The following TMEM135 variants were observed in gnomAD, a reference collection of about 807,000 sequenced individuals.
TMEM135 encodes transmembrane protein 135.
Under a neutral mutation model 60.3 loss-of-function variants are expected in TMEM135, and 30 were observed. The observed-to-expected ratio is 0.50, with a 90% CI of 0.37 to 0.68. The LOEUF is 0.68. Among genes scored for constraint, TMEM135 ranks in the 30% least tolerant of loss-of-function variants. The pLI is 0.00. For synonymous variants in TMEM135, 190 were observed against 186.7 expected, an observed-to-expected ratio of 1.02 and a Z score of -0.14; for missense variants, 468 against 548.8, an observed-to-expected ratio of 0.85 and a Z score of 1.47.
At chr11:87,285,611 A>G (rs10898658) in intron 6 of TMEM135, among the ~76,000 whole-genome samples, 51,238 of 151,974 alleles carry the variant, frequency 0.34, 9,801 homozygotes, top group Non-Finnish European at 0.43. Context: ...TCAGGAGTGA[A>G]GCTGCAGACC....
chr11:87,091,304 T>C, intron 3 of TMEM135, 58 bp from the exon 4 acceptor site: 1 of 1,431,682 alleles, frequency 7.0e-7, no homozygotes, highest in East Asian at 2.3e-5. Context: ...TAATAAATGA[T>C]AAAGTGATTA....
chr11:87,128,727 C>T (rs566035941), intron 4 of TMEM135, among the ~76,000 whole-genome samples: 34 of 152,124 alleles, frequency 2.2e-4, no homozygotes, highest in Non-Finnish European at 4.0e-4. Flanking sequence ...AACATGTACA[C>T]ATCAACCCAT....
At chr11:87,152,494 G>T (rs947066814) in intron 4 of TMEM135, among the ~76,000 whole-genome samples, 1 of 152,046 alleles carries the variant, frequency 6.6e-6, no homozygotes, top group Non-Finnish European at 1.5e-5. Context: ...CACTCTTGAC[G>T]CCCAGGCTGG....
rs528654992 is a variant in TMEM135 at position 87,297,095 on chromosome 11, CCA to C, written c.551+1273_551+1274del. ...ATTTGAGACACTGAAAAAGAGAGAACCAGAAGGTGGAAAGACAATAAAGACTA... is the reference window on the plus strand; with the variant it reads ...ATTTGAGACACTGAAAAAGAGAGAACGAAGGTGGAAAGACAATAAAGACTA... On this transcript the variant is annotated intron_variant, in intron 7 of 14. Coordinates refer to ENST00000305494, the MANE Select transcript of TMEM135 (RefSeq NM_022918.4). Among the ~76,000 whole-genome samples the C allele has an allele frequency of 2.0e-4, 31 of 151,894 alleles. 1 individual carries two copies. The South Asian group carries it at 6.5e-3, about 32-fold the overall frequency.
chr11:87,051,210 TACTG>T (rs1456458078), intron 1 of TMEM135, among the ~76,000 whole-genome samples: 1 of 47,586 alleles, frequency 2.1e-5, no homozygotes, highest in East Asian at 1.4e-3. Flanking sequence ...GCCAATATCA[TACTG>T]AATGGGCAAA....
intron 4 of TMEM135, among the ~76,000 whole-genome samples, chr11:87,114,713 G>A (rs1035960893): frequency 6.6e-6 from 1 of 152,162 alleles, no homozygotes; most frequent in African/African-American, 2.4e-5. Flanking sequence ...CATTATAACA[G>A]TTAAGCTGCT....
chr11:87,055,660 G>T (rs1219575041), intron 1 of TMEM135, among the ~76,000 whole-genome samples: 2 of 151,326 alleles, frequency 1.3e-5, no homozygotes, highest in Admixed American at 1.3e-4. Flanking sequence ...GCACGATCTC[G>T]GCTCACGCCA....
chr11:87,044,560 T>C (rs1284468770), intron 1 of TMEM135, among the ~76,000 whole-genome samples: 1 of 152,022 alleles, frequency 6.6e-6, no homozygotes, highest in Non-Finnish European at 1.5e-5. Flanking sequence ...CTTATGGGGG[T>C]GTAAATAAGG....
intron 3 of TMEM135, among the ~76,000 whole-genome samples, chr11:87,088,612 C>T (rs191688188): frequency 2.9e-4 from 44 of 152,260 alleles, no homozygotes; most frequent in Non-Finnish European, 5.1e-4. Flanking sequence ...TCTATTAGTT[C>T]GGTCTATTCA....
chr11:87,186,222 A>C (rs1335868921), intron 5 of TMEM135, among the ~76,000 whole-genome samples: 1 of 152,148 alleles, frequency 6.6e-6, no homozygotes, highest in African/African-American at 2.4e-5. Flanking sequence ...TCCTTCTTGA[A>C]GGTAAAGTTG....
chr11:87,171,878 T>C (rs1273451824), intron 5 of TMEM135, among the ~76,000 whole-genome samples: 1 of 152,138 alleles, frequency 6.6e-6, no homozygotes, highest in Non-Finnish European at 1.5e-5. Flanking sequence ...CCATGTGCAG[T>C]TCAAAATAGG....
chr11:87,127,062 T>C (rs565068017), intron 4 of TMEM135, among the ~76,000 whole-genome samples: 1 of 152,166 alleles, frequency 6.6e-6, no homozygotes, highest in Non-Finnish European at 1.5e-5. Flanking sequence ...CAACATTGAT[T>C]TGAACAGTTT....
At chr11:87,055,646 A>G (rs1469729989) in intron 1 of TMEM135, among the ~76,000 whole-genome samples, 2 of 151,704 alleles carry the variant, frequency 1.3e-5, no homozygotes, top group East Asian at 1.9e-4. Flanking sequence ...GCTGGAGTGC[A>G]ATAGCACGAT....
intron 4 of TMEM135, among the ~76,000 whole-genome samples, chr11:87,123,766 A>G (rs984542230): frequency 4.6e-5 from 7 of 152,162 alleles, no homozygotes; most frequent in Non-Finnish European, 7.4e-5. Context: ...CTGGGAAACA[A>G]GTTGAGAATT....
At chr11:87,067,579 C>T (rs771120903) in intron 1 of TMEM135, 115 bp from the exon 2 acceptor site, 10 of 1,376,642 alleles carry the variant, frequency 7.3e-6, no homozygotes, top group Admixed American at 1.9e-5. Flanking sequence ...AGTGAAATGC[C>T]AGCATTTTTA....
intron 6 of TMEM135, among the ~76,000 whole-genome samples, chr11:87,285,144 A>G (rs185285143): frequency 4.6e-5 from 7 of 152,358 alleles, no homozygotes; most frequent in Non-Finnish European, 8.8e-5. Flanking sequence ...AGCAAGCATC[A>G]ATCAAAATGT....
chr11:87,264,912 A>C (rs1404560896), intron 6 of TMEM135, among the ~76,000 whole-genome samples: 1 of 151,952 alleles, frequency 6.6e-6, no homozygotes, highest in Non-Finnish European at 1.5e-5. Flanking sequence ...GAACTACTTG[A>C]AATGTCATGA....
At chr11:87,165,875 C>G (rs1003721317) in intron 5 of TMEM135, among the ~76,000 whole-genome samples, 55 of 150,614 alleles carry the variant, frequency 3.7e-4, no homozygotes, top group Admixed American at 6.6e-4. Context: ...AGAGAAGAAT[C>G]TAATAGACGC....
At chr11:87,162,304 G>T (rs1938902524) in intron 5 of TMEM135, among the ~76,000 whole-genome samples, 1 of 151,934 alleles carries the variant, frequency 6.6e-6, no homozygotes, top group East Asian at 1.9e-4. Context: ...CACGTGCCAT[G>T]GTAGTTTGAT....
Sources: gnomAD v4.1 joint callset for allele counts (sites outside exome capture counted in the v4.1 genomes callset) on GRCh38, gnomAD v4.1.1 for gene constraint, MANE v1.5 for transcripts, NCBI Gene and HGNC (gene_info 2026-07-23, HGNC 2026-07-21) for gene names.